PACS1: variants seen among roughly 807,000 people sequenced by gnomAD.
The protein encoded by PACS1 is PACS-1.
PACS1 carries 24 observed loss-of-function variants against 115.0 expected under a neutral mutation model. The observed-to-expected ratio is 0.21, with a 90% CI of 0.15 to 0.29. The LOEUF (loss-of-function observed/expected upper bound fraction) is 0.29, where lower values mean the gene tolerates loss of function less well. PACS1 is among the 10% of genes least tolerant of loss of function. The pLI, the probability that PACS1 is intolerant of heterozygous loss-of-function variation, is 1.00. For missense variants in PACS1, 838 were observed against 1,251.2 expected, an observed-to-expected ratio of 0.67 and a Z score of 4.98; for synonymous variants, 453 against 504.5, an observed-to-expected ratio of 0.90 and a Z score of 1.37.
chr11:66,168,325 C>CT (rs1859654599), intron 1 of PACS1, among the ~76,000 whole-genome samples: 1 of 150,648 alleles, frequency 6.6e-6, no homozygotes, highest in Non-Finnish European at 1.5e-5. Context: ...TAGAGTGTCT[C>CT]TTGTGCATGA....
intron 1 of PACS1, among the ~76,000 whole-genome samples, chr11:66,085,188 G>A (rs1857544369): frequency 6.6e-6 from 1 of 152,082 alleles, no homozygotes; most frequent in Admixed American, 6.6e-5. Flanking sequence ...CTTTTCTAAT[G>A]TAACTGTAAG....
At position 66,235,342 on chromosome 11, in the gene PACS1, G is replaced by A. The variant is rs762496747; in HGVS notation, c.2146G>A (p.Gly716Arg). The stretch of plus-strand genomic sequence containing the variant: ...AGGGCGGGTGATGCAGTACGTCAAC[G>A]GGGCAGCCACGACACACCAGCTTCC... ...VAGRVMQYVNGAATTHQLPVA... is the reference protein window; with the variant it reads ...VAGRVMQYVNRAATTHQLPVA... Residue 716 changes from glycine to arginine, a missense_variant, in exon 18 of 24, where the codon GGG becomes AGG. Coordinates refer to ENST00000320580, the MANE Select transcript of PACS1 (RefSeq NM_018026.4). The surrounding 1 kb of genome is among the most constrained non-coding windows in gnomAD (Gnocchi z 5.6). 9.9e-6 allele frequency: 16 copies of A among 1,613,924 alleles called. No homozygotes were observed. The highest frequency in any genetic ancestry group is 4.4e-5 in the South Asian group (4 of 91,078).
Position 66,235,493 on chromosome 11 carries a change from C to T in PACS1, c.2207+90C>T. On this transcript the variant is annotated intron_variant, in intron 18 of 23. Transcript: ENST00000320580. This position sits in a 1 kb window ranked among gnomAD's most constrained non-coding sequence, Gnocchi z 5.6. ...CCTTGCTTTCTCACATTTTCCTTCT[C>T]CACATGCTATATTCCTTCATAGGAA... 2 of 945,856 alleles carry T rather than the reference C, an allele frequency of 2.1e-6. No individual in the cohort carries two copies. Among genetic ancestry groups the T allele is most frequent in the Non-Finnish European group, 3.3e-6 (2 of 597,098 alleles). The allele number at this position is 945,856 out of a possible 1,614,324, so 58.6% of individuals were successfully genotyped here.
chr11:66,093,909 A>G (rs572586710), intron 1 of PACS1, among the ~76,000 whole-genome samples: 6 of 152,322 alleles, frequency 3.9e-5, no homozygotes, highest in African/African-American at 1.2e-4. Flanking sequence ...AAACCACTCA[A>G]CTACATGGAA....
chr11:66,183,312 C>T (rs757419490), intron 1 of PACS1, among the ~76,000 whole-genome samples: 3 of 152,178 alleles, frequency 2.0e-5, no homozygotes, highest in Admixed American at 6.5e-5. Context: ...GAGACTTCCA[C>T]AGGTGCCTGT....
chr11:66,073,052 C>T (rs1857338320), intron 1 of PACS1, among the ~76,000 whole-genome samples: 1 of 152,174 alleles, frequency 6.6e-6, no homozygotes, highest in African/African-American at 2.4e-5. Context: ...TTTTACATTC[C>T]GGGAGTGTGC....
At chr11:66,214,084 C>T (rs1353183404) in intron 4 of PACS1, among the ~76,000 whole-genome samples, 2 of 145,298 alleles carry the variant, frequency 1.4e-5, no homozygotes, top group African/African-American at 5.0e-5. Flanking sequence ...AATACATGTA[C>T]TCATTGGTGC....
chr11:66,211,005 C>T (rs1331250877), intron 3 of PACS1, 129 bp from the exon 4 acceptor site: 1 of 1,110,112 alleles, frequency 9.0e-7, no homozygotes, highest in African/African-American at 1.5e-5. Context: ...CATGGCTCTC[C>T]TTTCAACCCT....
chr11:66,155,285 T>C (rs910442452), intron 1 of PACS1, among the ~76,000 whole-genome samples: 2 of 152,206 alleles, frequency 1.3e-5, no homozygotes, highest in African/African-American at 4.8e-5. Context: ...TAAATTGGAC[T>C]TTATCAAAAT....
intron 1 of PACS1, among the ~76,000 whole-genome samples, chr11:66,137,878 A>C (rs1858883824): frequency 6.6e-6 from 1 of 152,180 alleles, no homozygotes; most frequent in Non-Finnish European, 1.5e-5. Context: ...TAACCTGAGA[A>C]TCTTGTTAAA....
At position 66,216,798 on chromosome 11, in the gene PACS1, G is replaced by C. The variant is rs780599913; in HGVS notation, c.978+23G>C. 8.8e-6 allele frequency: 14 copies of C among 1,593,890 alleles called. No individual in the cohort carries two copies. In the South Asian group the frequency reaches 9.9e-5, roughly 11 times the overall value. Reference sequence around the variant, plus strand: ...AGGGTGAGCCTCAAAGGTCTGGGGAGTGGTTGGCTAAGATTTTCAGTCTGG... The same window carrying C: ...AGGGTGAGCCTCAAAGGTCTGGGGACTGGTTGGCTAAGATTTTCAGTCTGG... On this transcript the variant is annotated intron_variant, in intron 7 of 23. Transcript: ENST00000320580.
chr11:66,189,115 A>G (rs976288167), intron 1 of PACS1, among the ~76,000 whole-genome samples: 4 of 152,214 alleles, frequency 2.6e-5, no homozygotes, highest in Admixed American at 2.0e-4. Flanking sequence ...CATGTCAGGC[A>G]ACTAGTACCT....
chr11:66,127,041 T>TTTCCC (rs139501298), intron 1 of PACS1, among the ~76,000 whole-genome samples: 4,599 of 152,308 alleles, frequency 0.03, 84 homozygotes, highest in South Asian at 0.071. Flanking sequence ...CTTTCTTTTC[T>TTTCCC]TTCCCATCCC....
At chr11:66,104,286 G>C (rs557531062) in intron 1 of PACS1, among the ~76,000 whole-genome samples, 1 of 152,166 alleles carries the variant, frequency 6.6e-6, no homozygotes, top group Admixed American at 6.5e-5. Flanking sequence ...TGTCAGTCAC[G>C]GCAGAGGTAA....
chr11:66,169,566 A>ATTTTT (rs59176258), intron 1 of PACS1, among the ~76,000 whole-genome samples: 5 of 115,302 alleles, frequency 4.3e-5, no homozygotes, highest in African/African-American at 7.6e-5. Context: ...CGCCCGGCTA[A>ATTTTT]TTTTTTTTTT....
intron 1 of PACS1, among the ~76,000 whole-genome samples, chr11:66,071,061 C>G (rs144912153): frequency 4.6e-5 from 7 of 152,318 alleles, no homozygotes; most frequent in Non-Finnish European, 8.8e-5. Flanking sequence ...ACCCTTCTGT[C>G]CTCCCCGAGG....
chr11:66,154,742 CATA>C (rs968178022), intron 1 of PACS1, among the ~76,000 whole-genome samples: 5 of 152,058 alleles, frequency 3.3e-5, no homozygotes, highest in Non-Finnish European at 7.4e-5. Flanking sequence ...GTATCATAAA[CATA>C]ATCAATTTTC....
chr11:66,221,345 C>G, intron 10 of PACS1, 98 bp downstream of exon 10: 1 of 1,099,368 alleles, frequency 9.1e-7, no homozygotes, highest in Non-Finnish European at 1.4e-6. Context: ...CATGTTGTGA[C>G]CTTAGAAAAG....
chr11:66,102,558 C>T (rs1166435790), intron 1 of PACS1, among the ~76,000 whole-genome samples: 2 of 151,618 alleles, frequency 1.3e-5, no homozygotes, highest in African/African-American at 4.8e-5. Context: ...TTCCTGACCT[C>T]AAGTGATCTG....
Sources: allele counts gnomAD v4.1 joint callset (sites outside exome capture counted in the v4.1 genomes callset), GRCh38; gene constraint gnomAD v4.1.1; non-coding constraint Gnocchi (gnomAD v3.1); transcripts MANE v1.5; gene names NCBI Gene and HGNC (gene_info 2026-07-23, HGNC 2026-07-21).